The following KLHL22 variants were observed in gnomAD, a reference collection of about 807,000 sequenced individuals.
KLHL22 encodes the protein kelch-like protein 22.
In KLHL22, 18 loss-of-function variants were observed where a neutral mutation model predicts 60.7. That is an observed-to-expected ratio of 0.30 (90% CI 0.20 to 0.44). KLHL22 has a LOEUF of 0.44. Among genes scored for constraint, KLHL22 ranks in the 20% least tolerant of loss-of-function variants. KLHL22 has a pLI of 1.00. For missense variants in KLHL22, 596 were observed against 852.3 expected (o/e 0.70, Z 3.74); for synonymous variants, 355 against 354.5 (o/e 1.00, Z -0.01).
Position 20,442,193 on chromosome 22 carries a change from G to A in KLHL22, c.1785C>T (p.Arg595=), listed in dbSNP as rs1397569570. Residue 595 remains arginine (R), a synonymous_variant, in exon 7 of 7, where the codon CGC becomes CGT. Coordinates refer to ENST00000328879, the MANE Select transcript of KLHL22 (RefSeq NM_032775.4). The part of the protein sequence containing the change: ...GLAACVLTLP[R]SLLLEPPRGT... ...CGCGGGGCGGCTCAAGGAGCAGGGA[G>A]CGGGGCAGGGTGAGCACACAGGCCG... The A allele has an allele frequency of 6.3e-7, 1 of 1,587,104 alleles. No homozygotes were observed. Among genetic ancestry groups the A allele is most frequent in the Non-Finnish European group, 8.6e-7 (1 of 1,164,712 alleles).
chr22:20,471,274 C>A, intron 3 of KLHL22, 76 bp downstream of exon 3: 1 of 1,413,352 alleles, frequency 7.1e-7, no homozygotes, highest in Admixed American at 1.9e-5. Flanking sequence ...AATGCTAGTG[C>A]CCGGCAGGCA....
At chr22:20,492,785 T>C (rs1031373608) in intron 1 of KLHL22, among the ~76,000 whole-genome samples, 1 of 152,054 alleles carries the variant, frequency 6.6e-6, no homozygotes, top group African/African-American at 2.4e-5. Flanking sequence ...AGAAATGGGG[T>C]TTCACCATGT....
chr22:20,476,226 C>A (rs1397439436), intron 2 of KLHL22, among the ~76,000 whole-genome samples: 1 of 152,136 alleles, frequency 6.6e-6, no homozygotes, highest in Non-Finnish European at 1.5e-5. Flanking sequence ...GGGGCACTTT[C>A]CCATGCTCTT....
At position 20,483,701 on chromosome 22, in the gene KLHL22, G is replaced by A. The variant is rs914046122; in HGVS notation, c.227+5284C>T. ...GTATTTGCAAAGATCTGAGCCCTCA[G>A]GTCCTCGATGGTCTTGAAGTAATGC... On this transcript the variant is annotated intron_variant, in intron 2 of 6. Transcript: ENST00000328879. 17 of 735,290 alleles carry A rather than the reference G, an allele frequency of 2.3e-5. No individual in the cohort carries two copies. In the Admixed American group the frequency reaches 2.6e-4, roughly 11 times the overall value. The allele number at this position is 735,290 out of a possible 1,614,324, so 45.5% of individuals were successfully genotyped here. A position where few individuals can be genotyped will look rare whatever the true frequency, so the allele number is the denominator to read the frequency against.
intron 1 of KLHL22, among the ~76,000 whole-genome samples, chr22:20,493,492 C>T (rs1043105860): frequency 6.6e-6 from 1 of 152,188 alleles, no homozygotes; most frequent in African/African-American, 2.4e-5. Context: ...AGTCAAAATG[C>T]GCAAAGTGGC....
At chr22:20,489,821 G>A (rs1046805228) in intron 1 of KLHL22, 8 of 470,870 alleles carry the variant, frequency 1.7e-5, no homozygotes, top group Non-Finnish European at 3.1e-5. Flanking sequence ...GGGTGCCAAG[G>A]GGGTGGCATT....
intron 3 of KLHL22, 99 bp downstream of exon 3, chr22:20,471,251 C>T: frequency 2.6e-6 from 3 of 1,159,364 alleles, no homozygotes; most frequent in Admixed American, 4.4e-5. Flanking sequence ...CATTCCTGAC[C>T]CATCTTCAAG....
intron 2 of KLHL22, among the ~76,000 whole-genome samples, chr22:20,484,962 G>A (rs1350550490): frequency 1.3e-5 from 2 of 151,898 alleles, no homozygotes; most frequent in African/African-American, 2.4e-5. Flanking sequence ...AATGGCATTG[G>A]AGTCTTTTCA....
At chr22:20,483,943 G>A (rs534460355) in intron 2 of KLHL22, 13 of 673,598 alleles carry the variant, frequency 1.9e-5, no homozygotes, top group South Asian at 1.8e-4. Context: ...ATGCAGCCCT[G>A]GAAGCTGGTG....
intron 5 of KLHL22, chr22:20,450,592 C>T: frequency 6.2e-7 from 1 of 1,607,578 alleles, no homozygotes; most frequent in South Asian, 1.1e-5. Context: ...GGTTTTTAGC[C>T]AGAAGAATTT....
At chr22:20,488,818 T>C in intron 2 of KLHL22, 167 bp downstream of exon 2, 2 of 636,916 alleles carry the variant, frequency 3.1e-6, no homozygotes, top group Admixed American at 5.6e-5. Context: ...AAATGAACTC[T>C]AAGACCCCCT....
At chr22:20,483,560 G>T in intron 2 of KLHL22, 1 of 725,180 alleles carries the variant, frequency 1.4e-6, no homozygotes, top group Non-Finnish European at 2.6e-6. Context: ...CGAAGCCCAT[G>T]TATGTCGCTC....
chr22:20,449,691 C>T (rs1347989594), intron 5 of KLHL22, among the ~76,000 whole-genome samples: 1 of 152,234 alleles, frequency 6.6e-6, no homozygotes, highest in East Asian at 1.9e-4. Context: ...CAGGTGTGAG[C>T]CACCACACCT....
chr22:20,474,011 T>C (rs1486041387), intron 2 of KLHL22, among the ~76,000 whole-genome samples: 1 of 152,176 alleles, frequency 6.6e-6, no homozygotes, highest in East Asian at 1.9e-4. Flanking sequence ...GCTTTTTTCT[T>C]TTTTTTGAGA....
rs2053324077 is a variant in KLHL22 at position 20,471,343 on chromosome 22, G to A, written c.393+7C>T. Reference sequence around the variant, plus strand: ...GGGTCTGCCTTGCTAGATGAGACATGCCTCACCTGAAGCTGGCAGGCAGCC... The same window carrying A: ...GGGTCTGCCTTGCTAGATGAGACATACCTCACCTGAAGCTGGCAGGCAGCC... On this transcript the variant is annotated splice_region_variant and intron_variant, in intron 3 of 6. Transcript: ENST00000328879. The A allele has an allele frequency of 6.2e-7, 1 of 1,612,710 alleles. No individual in the cohort carries two copies. The highest frequency in any genetic ancestry group is 1.1e-5 in the South Asian group (1 of 90,956).
At chr22:20,461,168 A>G (rs1381471192) in intron 4 of KLHL22, among the ~76,000 whole-genome samples, 1 of 152,220 alleles carries the variant, frequency 6.6e-6, no homozygotes, top group Non-Finnish European at 1.5e-5. Context: ...TGACTAGGAG[A>G]GTCACTTTAA....
chr22:20,478,060 A>G (rs926589245), intron 2 of KLHL22, among the ~76,000 whole-genome samples: 1 of 152,210 alleles, frequency 6.6e-6, no homozygotes, highest in African/African-American at 2.4e-5. Context: ...ACAGTTGTTC[A>G]CTATACTTAA....
intron 3 of KLHL22, among the ~76,000 whole-genome samples, chr22:20,466,895 C>T (rs536405060): frequency 3.3e-5 from 5 of 152,200 alleles, no homozygotes; most frequent in East Asian, 3.9e-4. Flanking sequence ...TTTGAAAGGA[C>T]GGCAAGAGAG....
At chr22:20,456,747 G>C (rs1177135285) in intron 5 of KLHL22, among the ~76,000 whole-genome samples, 5 of 152,246 alleles carry the variant, frequency 3.3e-5, no homozygotes, top group African/African-American at 1.2e-4. Context: ...TGTGGGCTGT[G>C]TGAATGACCT....
Sources: gnomAD v4.1 joint callset for allele counts (sites outside exome capture counted in the v4.1 genomes callset) on GRCh38, gnomAD v4.1.1 for gene constraint, MANE v1.5 for transcripts, NCBI Gene and HGNC (gene_info 2026-07-23, HGNC 2026-07-21) for gene names.